Variants in NOP14 observed in about 807,000 individuals in gnomAD.
NOP14 encodes the protein nucleolar protein 14.
A neutral mutation model predicts 101.6 loss-of-function variants in NOP14; 57 were observed. The ratio of observed to expected loss-of-function variants is 0.56; its 90% confidence interval spans 0.45 to 0.70. The LOEUF (loss-of-function observed/expected upper bound fraction) is 0.70. Among genes scored for constraint, NOP14 ranks in the 30% least tolerant of loss-of-function variants. The pLI is 0.00. For synonymous variants in NOP14, 428 were observed against 424.0 expected, an observed-to-expected ratio of 1.01 and a Z score of -0.12; for missense variants, 1,134 against 1,075.5, an observed-to-expected ratio of 1.05 and a Z score of -0.76.
intron 3 of NOP14, among the ~76,000 whole-genome samples, chr4:2,955,229 ACG>A (rs1166816437): frequency 2.6e-5 from 1 of 39,144 alleles, no homozygotes; most frequent in African/African-American, 1.8e-4. Context: ...AGTCACCTGC[ACG>A]CCACAGCGCC....
rs751940179 is a variant in NOP14, at chr4:2,954,439, C to G, written c.597G>C (p.Lys199Asn). Residue 199 changes from lysine (K) to asparagine (N), a missense_variant, in exon 4 of 18, where the codon AAG (lysine) becomes AAC (asparagine). Lys to Asn is a moderately conservative substitution (Grantham distance 94). Coordinates refer to ENST00000416614, the MANE Select transcript of NOP14 (RefSeq NM_001291978.2). ...ACTAACCCACCTTCTCTTGTTTTGA[C>G]TTGGCAATGAGCTCTTCAATCAGCT... ...RKELIEELIAKSKQEKRERQA... is the reference protein window; with the variant it reads ...RKELIEELIANSKQEKRERQA... 1.6e-5 allele frequency: 26 copies of G among 1,614,010 alleles called. No individual in the cohort carries two copies. Among genetic ancestry groups the G allele is most frequent in the African/African-American group, 2.7e-5 (2 of 74,928 alleles).
chr4:2,944,178 A>T lies in NOP14; in HGVS notation c.1786T>A (p.Cys596Ser). 1 of 1,614,156 alleles carries T rather than the reference A, an allele frequency of 6.2e-7. No individual in the cohort carries two copies. Among genetic ancestry groups the T allele is most frequent in the Non-Finnish European group, 8.5e-7 (1 of 1,180,008 alleles). ...QDVVKGLFVCCLFLEYVALSQ... is the reference protein window; with the variant it reads ...QDVVKGLFVCSLFLEYVALSQ... ...AAAGCCACATACTCCAGGAACAGGC[A>T]GCACACGAACAGGCCCTTCACCACG... Residue 596 changes from cysteine (C) to serine (S), a missense_variant, in exon 13 of 18, where the codon TGC becomes AGC. Transcript: ENST00000416614.
chr4:2,955,436 TCTAGTCACCTGCACCACAGCGCCC>T (rs1715287054), intron 3 of NOP14, among the ~76,000 whole-genome samples: 1 of 46,920 alleles, frequency 2.1e-5, no homozygotes, highest in African/African-American at 8.8e-5. Context: ...CACGGCGCCC[TCTAGTCACCTGCACCACAGCGCCC>T]CCTCTAGTCA....
At chr4:2,945,025 C>T (rs1714510561) in intron 12 of NOP14, 103 bp downstream of exon 12, 8 of 777,406 alleles carry the variant, frequency 1.0e-5, no homozygotes, top group Non-Finnish European at 1.7e-5. Flanking sequence ...TCTCTGCAGC[C>T]CTTAAACAGC....
At chr4:2,940,394 T>C (rs1431174051) in intron 15 of NOP14, 1 of 152,258 alleles carries the variant, frequency 6.6e-6, no homozygotes, top group Non-Finnish European at 1.5e-5. Context: ...CTCGTCTCCA[T>C]GGAGACCAAA....
chr4:2,941,586 A>G lies in NOP14; in HGVS notation c.2195T>C (p.Leu732Pro). 1 of 1,611,838 alleles carries G rather than the reference A, an allele frequency of 6.2e-7. No homozygotes were observed. The highest frequency in any genetic ancestry group is 1.1e-5 in the South Asian group (1 of 90,726). Residue 732 changes from leucine (L) to proline (P), a missense_variant, in exon 15 of 18, where the codon CTC becomes CCC. Coordinates refer to ENST00000416614, the MANE Select transcript of NOP14 (RefSeq NM_001291978.2). ...CTAGTGGCCGGGAAGCCTCACCTGG[A>G]GCTCCTGCGGGTGGCTGCAGTCCGC... ...HLADCSHPQELQELCQSTLTE... is the reference protein window; with the variant it reads ...HLADCSHPQEPQELCQSTLTE...
intron 3 of NOP14, 23 bp downstream of exon 3, chr4:2,956,647 C>A: frequency 6.2e-7 from 1 of 1,603,798 alleles, no homozygotes; most frequent in Non-Finnish European, 8.5e-7. Context: ...CCCACAGGCC[C>A]GTGCACAGCA....
intron 11 of NOP14, 43 bp downstream of exon 11, chr4:2,946,368 GA>G: frequency 6.2e-7 from 1 of 1,610,018 alleles, no homozygotes; most frequent in South Asian, 1.1e-5. Context: ...ATGCCAAACA[GA>G]ACTTCTGTGG....
At chr4:2,957,388 C>T (rs1457152264) in intron 2 of NOP14, among the ~76,000 whole-genome samples, 1 of 152,212 alleles carries the variant, frequency 6.6e-6, no homozygotes, top group Non-Finnish European at 1.5e-5. Context: ...ACACTGCTGC[C>T]GTGTAGTAGA....
intron 1 of NOP14, among the ~76,000 whole-genome samples, chr4:2,959,637 C>G (rs1715596648): frequency 6.6e-6 from 1 of 152,018 alleles, no homozygotes; most frequent in Admixed American, 6.6e-5. Flanking sequence ...ACCTTGGGTA[C>G]AATTTCCTGA....
intron 6 of NOP14, among the ~76,000 whole-genome samples, chr4:2,951,541 C>T (rs1715029387): frequency 6.6e-6 from 1 of 152,248 alleles, no homozygotes. Context: ...CCAGCCCCGA[C>T]TGGGACTCAT....
chr4:2,952,093 G>A (rs1312432963), intron 6 of NOP14, among the ~76,000 whole-genome samples, 182 bp downstream of exon 6: 22 of 142,676 alleles, frequency 1.5e-4, no homozygotes, highest in Admixed American at 1.1e-3. Flanking sequence ...GTGACAGAGC[G>A]AAACTCTGTC....
At chr4:2,939,449 A>G in intron 16 of NOP14, 78 bp downstream of exon 16, 2 of 1,597,684 alleles carry the variant, frequency 1.3e-6, no homozygotes, top group South Asian at 2.2e-5. Context: ...GCTCAACTGC[A>G]GAACTGGCAG....
chr4:2,949,905 A>T (rs779216817), intron 8 of NOP14, 29 bp downstream of exon 8: 33 of 1,613,188 alleles, frequency 2.0e-5, no homozygotes, highest in Non-Finnish European at 2.7e-5. Context: ...GTTATCCCAG[A>T]ACCTGAGGAA....
intron 1 of NOP14, among the ~76,000 whole-genome samples, chr4:2,958,707 C>T (rs1031152984): frequency 7.9e-5 from 12 of 152,172 alleles, no homozygotes; most frequent in Non-Finnish European, 1.5e-4. Flanking sequence ...AGAATGCGTG[C>T]GTGTGGCAGG....
chr4:2,944,420 T>TTC (rs1560297492), intron 12 of NOP14, among the ~76,000 whole-genome samples, 194 bp from the exon 13 acceptor site: 1 of 151,956 alleles, frequency 6.6e-6, no homozygotes, highest in African/African-American at 2.4e-5. Flanking sequence ...GATTTTTTTT[T>TTC]CCCGAGACGG....
Position 2,943,791 on chromosome 4 carries a change from A to G in NOP14, c.1891+282T>C, listed in dbSNP as rs922503835. 6.6e-5 allele frequency among the ~76,000 whole-genome samples: 10 copies of G among 152,390 alleles called. No individual in the cohort carries two copies. The Middle Eastern group carries it at 0.01, about 156-fold the overall frequency. ...TTAAGATATTTTAAGTATTTCTGACACTAAGTCTTCGCCACTTGGGCATAT... is the reference window on the plus strand; with the variant it reads ...TTAAGATATTTTAAGTATTTCTGACGCTAAGTCTTCGCCACTTGGGCATAT... On this transcript the variant is annotated intron_variant, in intron 13 of 17. Coordinates refer to ENST00000416614, the MANE Select transcript of NOP14 (RefSeq NM_001291978.2).
At chr4:2,952,675 C>G (rs982346046) in intron 5 of NOP14, among the ~76,000 whole-genome samples, 2 of 152,228 alleles carry the variant, frequency 1.3e-5, no homozygotes, top group Admixed American at 1.3e-4. Context: ...GGTGCAGTGG[C>G]TCACGCCTGT....
intron 1 of NOP14, among the ~76,000 whole-genome samples, chr4:2,962,011 G>A (rs1339513993): frequency 6.6e-6 from 1 of 152,216 alleles, no homozygotes; most frequent in Admixed American, 6.5e-5. Flanking sequence ...AGGTAAGGCA[G>A]ACCTTTTGGA....
Sources: allele counts gnomAD v4.1 joint callset (sites outside exome capture counted in the v4.1 genomes callset), GRCh38; gene constraint gnomAD v4.1.1; transcripts MANE v1.5; gene names NCBI Gene and HGNC (gene_info 2026-07-23, HGNC 2026-07-21).